Variants in NCOA2 observed in about 807,000 individuals in gnomAD.
The protein encoded by NCOA2 is class E basic helix-loop-helix protein 75.
Under a neutral mutation model 145.1 loss-of-function variants are expected in NCOA2, and 21 were observed. The ratio of observed to expected loss-of-function variants is 0.14; its 90% CI spans 0.10 to 0.21. NCOA2 has a LOEUF of 0.21. NCOA2 is among the 10% of genes least tolerant of loss of function. The pLI, the probability that NCOA2 is intolerant of heterozygous loss-of-function variation, is 1.00. For missense variants in NCOA2, 1,472 were observed against 1,837.6 expected (o/e 0.80, Z 3.64); for synonymous variants, 619 against 637.5 (o/e 0.97, Z 0.44).
chr8:70,205,685 T>C (rs1818365272), intron 4 of NCOA2, among the ~76,000 whole-genome samples: 1 of 151,836 alleles, frequency 6.6e-6, no homozygotes, highest in African/African-American at 2.4e-5. Flanking sequence ...GTGTATGTCA[T>C]GGGGAAGAGA....
chr8:70,228,362 C>T (rs1459536755), intron 2 of NCOA2, among the ~76,000 whole-genome samples: 6 of 152,218 alleles, frequency 3.9e-5, no homozygotes, highest in Non-Finnish European at 5.9e-5. Flanking sequence ...GTGTCAGAGA[C>T]TGGGGGGACC....
At chr8:70,197,801 T>C (rs1290116029) in intron 4 of NCOA2, among the ~76,000 whole-genome samples, 1 of 151,854 alleles carries the variant, frequency 6.6e-6, no homozygotes, top group Non-Finnish European at 1.5e-5. Flanking sequence ...GAAGAAAACC[T>C]TGGATTTCTT....
intron 2 of NCOA2, among the ~76,000 whole-genome samples, chr8:70,244,271 G>T (rs1822421864): frequency 1.3e-5 from 2 of 152,074 alleles, no homozygotes; most frequent in African/African-American, 4.8e-5. Flanking sequence ...TTGTGTAATT[G>T]TTAACCCTTT....
chr8:70,253,531 G>C (rs1823379126), intron 2 of NCOA2, among the ~76,000 whole-genome samples: 1 of 151,838 alleles, frequency 6.6e-6, no homozygotes, highest in Admixed American at 6.6e-5. Context: ...ATGAAACTCT[G>C]AACTTAACCT....
At chr8:70,232,085 C>T (rs146722526) in intron 2 of NCOA2, among the ~76,000 whole-genome samples, 10 of 152,302 alleles carry the variant, frequency 6.6e-5, no homozygotes, top group South Asian at 4.1e-4. Context: ...CTTGTTATTA[C>T]GCAGTACTGT....
At chr8:70,441,079 A>ACG in the NCOA2 span, among the ~76,000 whole-genome samples, 2 of 96,802 alleles carry the variant, frequency 2.1e-5, no homozygotes, top group Non-Finnish European at 4.6e-5. Context: ...GAAGAAAGGA[A>ACG]AGAGAGAGGA....
intron 1 of NCOA2, among the ~76,000 whole-genome samples, chr8:70,388,894 T>C (rs1200249557): frequency 6.6e-6 from 1 of 152,174 alleles, no homozygotes; most frequent in African/African-American, 2.4e-5. Flanking sequence ...CAGGTCAGTA[T>C]CTTAAAAGAT....
chr8:70,448,542 G>A, the NCOA2 span, among the ~76,000 whole-genome samples: 1 of 152,162 alleles, frequency 6.6e-6, no homozygotes, highest in East Asian at 1.9e-4. Context: ...GGCAAAGGTA[G>A]AAATTGGCAT....
intron 1 of NCOA2, among the ~76,000 whole-genome samples, chr8:70,362,125 TA>T (rs1481410267): frequency 1.3e-5 from 2 of 152,204 alleles, no homozygotes; most frequent in Non-Finnish European, 2.9e-5. Context: ...CACAGATATT[TA>T]CTGTATTGCC....
chr8:70,246,713 C>G (rs939499022), intron 2 of NCOA2, among the ~76,000 whole-genome samples: 1 of 152,052 alleles, frequency 6.6e-6, no homozygotes, highest in Non-Finnish European at 1.5e-5. Context: ...TTAACAACTC[C>G]TATTTCCTCC....
chr8:70,413,875 T>C, the NCOA2 span, among the ~76,000 whole-genome samples: 1 of 152,174 alleles, frequency 6.6e-6, no homozygotes, highest in Non-Finnish European at 1.5e-5. Context: ...ATTATGAAGT[T>C]CCAGCCATGC....
At chr8:70,218,971 A>C (rs2133987812) in intron 2 of NCOA2, among the ~76,000 whole-genome samples, 1 of 152,116 alleles carries the variant, frequency 6.6e-6, no homozygotes, top group African/African-American at 2.4e-5. Flanking sequence ...CTTTCAACAG[A>C]CAATTAAAGT....
the NCOA2 span, among the ~76,000 whole-genome samples, chr8:70,415,787 A>G: frequency 1.3e-5 from 2 of 152,214 alleles, no homozygotes; most frequent in Non-Finnish European, 2.9e-5. Flanking sequence ...TATCATCTTC[A>G]CTTCAAGAAC....
intron 4 of NCOA2, among the ~76,000 whole-genome samples, chr8:70,195,215 C>G (rs1394292241): frequency 6.6e-6 from 1 of 152,152 alleles, no homozygotes; most frequent in African/African-American, 2.4e-5. Context: ...ACAGACTTTG[C>G]TAGTACATAA....
chr8:70,197,303 C>T (rs535389591), intron 4 of NCOA2, among the ~76,000 whole-genome samples: 4 of 152,286 alleles, frequency 2.6e-5, no homozygotes, highest in African/African-American at 7.2e-5. Context: ...AATCATAGTA[C>T]TTACTAATTT....
chr8:70,286,772 G>T (rs143819346), intron 2 of NCOA2, among the ~76,000 whole-genome samples: 1 of 152,088 alleles, frequency 6.6e-6, no homozygotes, highest in Non-Finnish European at 1.5e-5. Flanking sequence ...TGTATTGATT[G>T]TAAAGAGCAG....
intron 1 of NCOA2, among the ~76,000 whole-genome samples, chr8:70,364,933 G>GC (rs1810551755): frequency 6.6e-6 from 1 of 151,498 alleles, no homozygotes; most frequent in Non-Finnish European, 1.5e-5. Flanking sequence ...AAGTGTTTCT[G>GC]CAAGTCTAGG....
At chr8:70,174,069 T>C (rs1053063581) in intron 5 of NCOA2, among the ~76,000 whole-genome samples, 12 of 152,196 alleles carry the variant, frequency 7.9e-5, no homozygotes, top group Non-Finnish European at 1.5e-4. Context: ...ATATATTCAC[T>C]GACATTTTTT....
chr8:70,185,705 ATC>A (rs1274941569), intron 4 of NCOA2, among the ~76,000 whole-genome samples: 2 of 152,186 alleles, frequency 1.3e-5, no homozygotes, highest in African/African-American at 2.4e-5. Context: ...ACAGGCAAAG[ATC>A]TCTAGTAGCC....
Sources: gnomAD v4.1 joint callset for allele counts (sites outside exome capture counted in the v4.1 genomes callset) on GRCh38, gnomAD v4.1.1 for gene constraint, MANE v1.5 for transcripts, NCBI Gene and HGNC (gene_info 2026-07-23, HGNC 2026-07-21) for gene names.